The following PDE10A variants were observed in gnomAD, a reference collection of about 807,000 sequenced individuals.
PDE10A encodes the protein phosphodiesterase 10A.
In PDE10A, 39 loss-of-function variants were observed where a neutral mutation model predicts 97.7. The observed-to-expected ratio is 0.40, with a 90% CI of 0.31 to 0.52. PDE10A has a LOEUF of 0.52. PDE10A is among the 20% of genes least tolerant of loss of function. The probability of loss-of-function intolerance (pLI) is 0.56; values close to 1 mark genes in which losing one functional copy is unlikely to be tolerated. For synonymous variants in PDE10A, 371 were observed against 376.8 expected (o/e 0.98, Z 0.18); for missense variants, 731 against 1,047.8 (o/e 0.70, Z 4.17).
At chr6:165,943,306 AGAAG>A (rs1451520603) in intron 1 of PDE10A, among the ~76,000 whole-genome samples, 1 of 132,642 alleles carries the variant, frequency 7.5e-6, no homozygotes, top group East Asian at 2.3e-4. Flanking sequence ...AAAGAAAGAA[AGAAG>A]GAAGGAAGGA....
chr6:165,830,810 C>T (rs75722493), intron 1 of PDE10A, among the ~76,000 whole-genome samples: 4 of 152,194 alleles, frequency 2.6e-5, no homozygotes, highest in African/African-American at 7.2e-5. Flanking sequence ...AACACACGCT[C>T]TTTCAGAGTC....
In PDE10A at chr6:165,881,280, C is replaced by A. The variant is rs983089417; in HGVS notation, c.-615+106249G>T. On this transcript the variant is annotated intron_variant, in intron 1 of 19. Coordinates refer to the PDE10A transcript ENST00000366882. ...AATGTTTAAATAAATAACATCTAAA[C>A]TCCATCCTTTGAGACAGTAAAACAC... Among the ~76,000 whole-genome samples, 4 of 152,164 alleles carry A rather than the reference C, an allele frequency of 2.6e-5. No individual in the cohort carries two copies. In the South Asian group the frequency reaches 6.2e-4, roughly 24 times the overall value.
At position 165,332,358 on chromosome 6, in the gene PDE10A, T is replaced by C. The variant is rs1781387541; in HGVS notation, c.*667A>G. On this transcript the variant is annotated 3_prime_UTR_variant, in exon 22 of 22. Coordinates refer to ENST00000539869, the MANE Select transcript of PDE10A (RefSeq NM_001385079.1). Reference sequence around the variant, plus strand: ...TCAAAAAGACAGGAAGTCTACTTCGTCTAGTGTTAAATTTATTGATCTCAG... The same window carrying C: ...TCAAAAAGACAGGAAGTCTACTTCGCCTAGTGTTAAATTTATTGATCTCAG... The C allele has an allele frequency of 6.6e-6, 1 of 152,246 alleles. No individual in the cohort carries two copies. Among genetic ancestry groups the C allele is most frequent in the African/African-American group, 2.4e-5 (1 of 41,462 alleles). The allele number at this position is 152,246 out of a possible 1,614,324, so 9.4% of individuals were successfully genotyped here. A position where few individuals can be genotyped will look rare whatever the true frequency, so the allele number is the denominator to read the frequency against.
At chr6:165,799,804 A>G (rs1265543513) in intron 1 of PDE10A, among the ~76,000 whole-genome samples, 3 of 152,208 alleles carry the variant, frequency 2.0e-5, no homozygotes, top group Non-Finnish European at 2.9e-5. Flanking sequence ...CAAGTGGACC[A>G]TCGTAACTCT....
intron 1 of PDE10A, among the ~76,000 whole-genome samples, chr6:165,548,764 T>C (rs544677131): frequency 5.3e-4 from 80 of 152,188 alleles, no homozygotes; most frequent in Non-Finnish European, 8.1e-4. Context: ...AAGAGAAACT[T>C]AGCTTCATCT....
intron 6 of PDE10A, among the ~76,000 whole-genome samples, chr6:165,433,912 G>A (rs956208621): frequency 1.3e-5 from 2 of 151,024 alleles, no homozygotes; most frequent in African/African-American, 4.9e-5. Context: ...AGCTATTCGG[G>A]AGCCTGAGGC....
chr6:165,693,558 T>C (rs1290168989), intron 1 of PDE10A, among the ~76,000 whole-genome samples: 1 of 126,982 alleles, frequency 7.9e-6, no homozygotes. Flanking sequence ...AAAAACCGAG[T>C]GCACTGAATT....
At chr6:165,544,899 T>C (rs528016980) in intron 1 of PDE10A, among the ~76,000 whole-genome samples, 1 of 151,890 alleles carries the variant, frequency 6.6e-6, no homozygotes, top group Non-Finnish European at 1.5e-5. Flanking sequence ...CTGGCTATAT[T>C]CACCCTGCAA....
At position 165,936,161 on chromosome 6, in the gene PDE10A, A is replaced by G. The variant is rs140723280; in HGVS notation, c.-615+51368T>C. On this transcript the variant is annotated intron_variant, in intron 1 of 19. Transcript: ENST00000366882. ...GCAGGAATCAGAAAGAGGAGGTAAC[A>G]TGTTCAGTTTTGAGCAGTCCTTGTA... 6.4e-3 allele frequency among the ~76,000 whole-genome samples: 968 copies of G among 152,304 alleles called. 13 individuals are homozygous for G. Among genetic ancestry groups the G allele is most frequent in the South Asian group, 8.5e-3 (41 of 4,822 alleles).
chr6:165,441,432 TAAAC>T (rs1018107406), intron 5 of PDE10A, among the ~76,000 whole-genome samples: 10 of 152,222 alleles, frequency 6.6e-5, no homozygotes, highest in Admixed American at 3.9e-4. Flanking sequence ...AACGGTTTGT[TAAAC>T]AAACAGCATT....
At chr6:165,513,112 C>T (rs1207636903) in intron 2 of PDE10A, among the ~76,000 whole-genome samples, 1 of 151,844 alleles carries the variant, frequency 6.6e-6, no homozygotes, top group Non-Finnish European at 1.5e-5. Flanking sequence ...TTTGGTGGCA[C>T]ATATAAGAAC....
intron 1 of PDE10A, among the ~76,000 whole-genome samples, chr6:165,708,595 G>A (rs1015384402): frequency 5.3e-5 from 8 of 151,512 alleles, no homozygotes. Flanking sequence ...AGAACAAATA[G>A]GCCCAGGGCA....
chr6:165,708,580 C>T (rs1791782200), intron 1 of PDE10A, among the ~76,000 whole-genome samples: 1 of 151,822 alleles, frequency 6.6e-6, no homozygotes, highest in Non-Finnish European at 1.5e-5. Flanking sequence ...GTGCTCCTCC[C>T]CATCAGAACA....
chr6:165,927,647 C>CATATATATATATAT (rs71029572), intron 1 of PDE10A, among the ~76,000 whole-genome samples: 2,162 of 72,722 alleles, frequency 0.03, 80 homozygotes, highest in Non-Finnish European at 0.033. Context: ...ATGAGAATGA[C>CATATATATATATAT]ATATATATAT....
At chr6:165,675,702 T>G (rs1457889485) in intron 1 of PDE10A, among the ~76,000 whole-genome samples, 2 of 152,128 alleles carry the variant, frequency 1.3e-5, no homozygotes, top group Non-Finnish European at 2.9e-5. Context: ...TACTGGAAAA[T>G]TATTCATTTA....
chr6:165,344,799 C>T (rs376486838), intron 18 of PDE10A, among the ~76,000 whole-genome samples: 1 of 152,172 alleles, frequency 6.6e-6, no homozygotes, highest in Non-Finnish European at 1.5e-5. Context: ...GGGCACATTT[C>T]AAGAGGGTAT....
rs1785898532 is a variant in PDE10A, at chr6:165,393,649, A to C, written c.2304-853T>G. 2.6e-5 allele frequency among the ~76,000 whole-genome samples: 4 copies of C among 152,206 alleles called. No homozygotes were observed. In the South Asian group the frequency reaches 8.3e-4, roughly 31 times the overall value. ...AACTCTCAACTGCATTCTGAGAATT[A>C]ACTGGAGTTAGGTATCCTATGCTCA... On this transcript the variant is annotated intron_variant, in intron 15 of 21. Transcript: ENST00000539869.
At chr6:165,480,395 T>C (rs1274069590) in intron 3 of PDE10A, among the ~76,000 whole-genome samples, 2 of 151,968 alleles carry the variant, frequency 1.3e-5, no homozygotes, top group Non-Finnish European at 2.9e-5. Context: ...CAACACTAGC[T>C]TGGGCAACAT....
intron 18 of PDE10A, among the ~76,000 whole-genome samples, chr6:165,375,200 ACTAAACTTAGGAAGGCACAT>A (rs1784540923): frequency 6.6e-6 from 1 of 152,224 alleles, no homozygotes; most frequent in Non-Finnish European, 1.5e-5. Flanking sequence ...GCTAGAAGTG[ACTAAACTTAGGAAGGCACAT>A]CTAAAGCTGA....
Sources: allele counts gnomAD v4.1 joint callset (sites outside exome capture counted in the v4.1 genomes callset), GRCh38; gene constraint gnomAD v4.1.1; transcripts MANE v1.5; gene names NCBI Gene and HGNC (gene_info 2026-07-23, HGNC 2026-07-21).